BHLHE40: variants seen among roughly 807,000 people sequenced by gnomAD.
BHLHE40 encodes class E basic helix-loop-helix protein 40.
In BHLHE40, 3 loss-of-function variants were observed where a neutral mutation model predicts 35.7. The ratio of observed to expected loss-of-function variants is 0.08; its 90% CI spans 0.04 to 0.22. BHLHE40 has a LOEUF of 0.22. Among genes scored for constraint, BHLHE40 ranks in the 10% least tolerant of loss-of-function variants. The pLI is 1.00. For synonymous variants in BHLHE40, 236 were observed against 213.0 expected, an observed-to-expected ratio of 1.11 and a Z score of -0.94; for missense variants, 486 against 524.0, an observed-to-expected ratio of 0.93 and a Z score of 0.71.
In BHLHE40 at chr3:4,984,567, C is replaced by T. The variant is rs2053231246; in HGVS notation, c.*875C>T. On this transcript the variant is annotated 3_prime_UTR_variant, in exon 5 of 5. Coordinates refer to ENST00000256495, the MANE Select transcript of BHLHE40 (RefSeq NM_003670.3). ...TGCACAAAGCTGAGTAAAAAGCTGCCCCCTTCAAACAGAACTAGACTCAGT... is the reference window on the plus strand; with the variant it reads ...TGCACAAAGCTGAGTAAAAAGCTGCTCCCTTCAAACAGAACTAGACTCAGT... 1 of 152,310 alleles carries T rather than the reference C, an allele frequency of 6.6e-6. No individual in the cohort carries two copies. The highest frequency in any genetic ancestry group is 6.5e-5 in the Admixed American group (1 of 15,276). 9.4% of individuals were successfully genotyped at this position (152,310 alleles called of 1,614,324 possible).
At position 4,983,448 on chromosome 3, in the gene BHLHE40, C is replaced by T. The variant is rs2053219298; in HGVS notation, c.995C>T (p.Ala332Val). 2 of 1,614,182 alleles carry T rather than the reference C, an allele frequency of 1.2e-6. No homozygotes were observed. Among genetic ancestry groups the T allele is most frequent in the Non-Finnish European group, 1.7e-6 (2 of 1,180,046 alleles). The change falls in exon 5 of 5, where the codon GCG (alanine) becomes GTG (valine). Residue 332 changes from alanine (A) to valine (V), a missense_variant. By Grantham distance (64) the Ala-to-Val change is moderately conservative (BLOSUM62 0). Transcript: ENST00000256495. The surrounding 1 kb of genome is among the most constrained non-coding windows in gnomAD (Gnocchi z 5.0). ...CCCTTCTACCTGATCCCACCTTCAG[C>T]GACTGCCTACCTGCCCATGCTGGAG... ...CLPFYLIPPS[A>V]TAYLPMLEKC...
At position 4,983,334 on chromosome 3, in the gene BHLHE40, T is replaced by G; in HGVS notation, c.881T>G (p.Leu294Arg). ...CCCACAAAAAAGAACCGGATGCAGC[T>G]TTCGGATGATGAAGGCCATTTCACT... ...EPPTKKNRMQ[L>R]SDDEGHFTSS... The change falls in exon 5 of 5, where the codon CTT (leucine) becomes CGT (arginine). Residue 294 changes from leucine to arginine, a missense_variant. Leu to Arg is a moderately radical substitution (Grantham distance 102, BLOSUM62 -2). Transcript: ENST00000256495. The surrounding 1 kb of genome is among the most constrained non-coding windows in gnomAD (Gnocchi z 5.0). 6.2e-7 allele frequency: 1 copy of G among 1,614,192 alleles called. No individual in the cohort carries two copies. The highest frequency in any genetic ancestry group is 8.5e-7 in the Non-Finnish European group (1 of 1,180,018).
At chr3:4,982,505 G>A (rs1450814969) in intron 4 of BHLHE40, among the ~76,000 whole-genome samples, 2 of 151,974 alleles carry the variant, frequency 1.3e-5, no homozygotes, top group East Asian at 1.9e-4. Flanking sequence ...TTGCTGCCTC[G>A]CTTACATGGA....
chr3:4,981,678 T>G, intron 4 of BHLHE40, 163 bp downstream of exon 4: 4 of 875,614 alleles, frequency 4.6e-6, no homozygotes, highest in Non-Finnish European at 6.9e-6. Flanking sequence ...GACTTTTCAT[T>G]TGAAATGCAT....
Position 4,979,676 on chromosome 3 carries a change from C to A in BHLHE40, c.-43C>A. 6.5e-7 allele frequency: 1 copy of A among 1,546,754 alleles called. No individual in the cohort carries two copies. Among genetic ancestry groups the A allele is most frequent in the African/African-American group, 1.4e-5 (1 of 73,048 alleles). On this transcript the variant is annotated 5_prime_UTR_variant, in exon 1 of 5. Coordinates refer to ENST00000256495, the MANE Select transcript of BHLHE40 (RefSeq NM_003670.3). ...GGGCAGTCCTCATCCAGACGCTCCG[C>A]TAGTGCAGACAGGAGCGCGCAGTGG...
chr3:4,980,642 C>A (rs988163662), intron 3 of BHLHE40, among the ~76,000 whole-genome samples: 24 of 152,166 alleles, frequency 1.6e-4, no homozygotes, highest in African/African-American at 5.6e-4. Flanking sequence ...AACTGGCCTT[C>A]CTTTTCAGGA....
Position 4,984,617 on chromosome 3 carries a change from T to C in BHLHE40, c.*925T>C, listed in dbSNP as rs1280690386. On this transcript the variant is annotated 3_prime_UTR_variant, in exon 5 of 5. Transcript: ENST00000256495. ...TTTTCAATTCCATCCTAAAACTCCT[T>C]TTAACCAAGCTTAGCTTCTCAAAGG... is the stretch of plus-strand genomic sequence containing the variant. 6.6e-6 allele frequency: 1 copy of C among 152,648 alleles called. No individual in the cohort carries two copies. The highest frequency in any genetic ancestry group is 1.5e-5 in the Non-Finnish European group (1 of 68,068). The allele number at this position is 152,648 out of a possible 1,614,324, so 9.5% of individuals were successfully genotyped here. A position where few individuals can be genotyped will look rare whatever the true frequency, so the allele number is the denominator to read the frequency against.
chr3:4,981,401 C>A lies in BHLHE40; in HGVS notation c.268C>A (p.His90Asn). 6.2e-7 allele frequency: 1 copy of A among 1,613,638 alleles called. No homozygotes were observed. The highest frequency in any genetic ancestry group is 1.1e-5 in the South Asian group (1 of 91,046). The change falls in exon 4 of 5, where the codon CAC (histidine) becomes AAC (asparagine). Residue 90 changes from histidine (H) to asparagine (N), a missense_variant. His to Asn is a moderately conservative substitution (Grantham distance 68, BLOSUM62 1). Coordinates refer to ENST00000256495, the MANE Select transcript of BHLHE40 (RefSeq NM_003670.3). ...PEHLKLTTLG[H>N]LEKAVVLELT... ...GCTCTTTTCCTTCCAGACTTTGGGT[C>A]ACTTGGAAAAAGCAGTGGTTCTTGA...
chr3:4,981,124 C>T (rs1437466039), intron 3 of BHLHE40, among the ~76,000 whole-genome samples: 1 of 150,368 alleles, frequency 6.7e-6, no homozygotes, highest in African/African-American at 2.4e-5. Context: ...AAAATGCCTC[C>T]AAAGACAGGT....
rs759894801 is a variant in BHLHE40 at position 4,981,554 on chromosome 3, G to C, written c.382+39G>C. The stretch of plus-strand genomic sequence containing the variant: ...CTGGCTATGCTCTCTTTAAGAGTTT[G>C]AGTGCAAATAGAGAGCCCGTGGGCT... On this transcript the variant is annotated intron_variant, in intron 4 of 4. Transcript: ENST00000256495. 2.5e-6 allele frequency: 4 copies of C among 1,607,686 alleles called. No individual in the cohort carries two copies. The South Asian group carries it at 4.4e-5, about 18-fold the overall frequency.
rs2106498390 is a variant in BHLHE40 at position 4,983,409 on chromosome 3, C to T, written c.956C>T (p.Pro319Leu). 1 of 1,614,226 alleles carries T rather than the reference C, an allele frequency of 6.2e-7. No individual in the cohort carries two copies. Among genetic ancestry groups the T allele is most frequent in the South Asian group, 1.1e-5 (1 of 91,086 alleles). The change falls in exon 5 of 5, where the codon CCT becomes CTT. Residue 319 changes from proline to leucine, a missense_variant. Pro to Leu is a moderately conservative substitution (Grantham distance 98). Transcript: ENST00000256495. This position sits in a 1 kb window ranked among gnomAD's most constrained non-coding sequence, Gnocchi z 5.0. ...SPFLGPHPHQ[P>L]PFCLPFYLIP... ...TTCCTGGGCCCACACCCACACCAGC[C>T]TCCTTTCTGCCTGCCCTTCTACCTG...
chr3:4,981,185 TAC>T (rs10549138), intron 3 of BHLHE40, among the ~76,000 whole-genome samples: 23,638 of 143,400 alleles, frequency 0.16, 2,341 homozygotes, highest in African/African-American at 0.27. Flanking sequence ...TATATATATA[TAC>T]ACACACACAC....
In BHLHE40 at chr3:4,983,276, A is replaced by T; in HGVS notation, c.823A>T (p.Ile275Phe). 1.2e-6 allele frequency: 2 copies of T among 1,614,212 alleles called. No homozygotes were observed. Among genetic ancestry groups the T allele is most frequent in the South Asian group, 1.1e-5 (1 of 91,086 alleles). Residue 275 changes from isoleucine to phenylalanine, a missense_variant, in exon 5 of 5, where the codon ATC becomes TTC. By Grantham distance (21) the Ile-to-Phe change is conservative. Transcript: ENST00000256495. The surrounding 1 kb of genome is among the most constrained non-coding windows in gnomAD (Gnocchi z 5.0). ...HGRRFTMGER[I>F]GAIKQESEEP... is the part of the protein sequence containing the mutation. ...ACGCAGGTTCACGATGGGAGAAAGG[A>T]TCGGCGCAATTAAGCAAGAGTCCGA...
At chr3:4,980,461 C>A in intron 3 of BHLHE40, 53 bp downstream of exon 3, 2 of 1,466,920 alleles carry the variant, frequency 1.4e-6, no homozygotes, top group Non-Finnish European at 1.9e-6. Context: ...AGAGGGCGGG[C>A]GGGTCACTCG....
chr3:4,983,382 CGTT>C lies in BHLHE40; in HGVS notation c.930_932del (p.Phe311del), dbSNP rs1559237452. 6.2e-7 allele frequency: 1 copy of C among 1,614,166 alleles called. No individual in the cohort carries two copies. The highest frequency in any genetic ancestry group is 2.2e-5 in the East Asian group (1 of 44,880). ...ACTAGCAGTGACCTGATCAGCTCCC[CGTT>C]CCTGGGCCCACACCCACACCAGCCT... On this transcript the variant is annotated inframe_deletion, in exon 5 of 5. Coordinates refer to ENST00000256495, the MANE Select transcript of BHLHE40 (RefSeq NM_003670.3). The surrounding 1 kb of genome is among the most constrained non-coding windows in gnomAD (Gnocchi z 5.0).
chr3:4,983,852 G>GTGTGTGTGTGTA lies in BHLHE40; in HGVS notation c.*163_*164insGTGTGTGTATGT. Reference sequence around the variant, plus strand: ...AGGGTGTGTGTGTGTGTGTGTGTGTGTGTATGTGCGTGTGCGTGCACATGT... The same window carrying GTGTGTGTGTGTA: ...AGGGTGTGTGTGTGTGTGTGTGTGTGTGTGTGTGTGTATGTATGTGCGTGTGCGTGCACATGT... On this transcript the variant is annotated 3_prime_UTR_variant, in exon 5 of 5. Coordinates refer to ENST00000256495, the MANE Select transcript of BHLHE40 (RefSeq NM_003670.3). This position sits in a 1 kb window ranked among gnomAD's most constrained non-coding sequence, Gnocchi z 5.0. 4.2e-6 allele frequency: 4 copies of GTGTGTGTGTGTA among 951,760 alleles called. No homozygotes were observed. The highest frequency in any genetic ancestry group is 6.1e-6 in the Non-Finnish European group (4 of 655,352). 59.0% of individuals were successfully genotyped at this position (951,760 alleles called of 1,614,324 possible). A position where few individuals can be genotyped will look rare whatever the true frequency, so the allele number is the denominator to read the frequency against.
rs145180073 is a variant in BHLHE40 at position 4,983,312 on chromosome 3, A to C, written c.859A>C (p.Thr287Pro). ...AIKQESEEPPTKKNRMQLSDD... is the reference protein window; with the variant it reads ...AIKQESEEPPPKKNRMQLSDD... ...TAAGCAAGAGTCCGAAGAACCCCCC[A>C]CAAAAAAGAACCGGATGCAGCTTTC... The change falls in exon 5 of 5, where the codon ACA (threonine) becomes CCA (proline). Residue 287 changes from threonine (T) to proline (P), a missense_variant. Transcript: ENST00000256495. This position sits in a 1 kb window ranked among gnomAD's most constrained non-coding sequence, Gnocchi z 5.0. 1 of 1,614,208 alleles carries C rather than the reference A, an allele frequency of 6.2e-7. No homozygotes were observed. Among genetic ancestry groups the C allele is most frequent in the South Asian group, 1.1e-5 (1 of 91,088 alleles).
intron 2 of BHLHE40, 43 bp downstream of exon 2, chr3:4,980,074 C>A (rs1275752440): frequency 2.3e-5 from 37 of 1,601,462 alleles, no homozygotes; most frequent in Non-Finnish European, 3.1e-5. Flanking sequence ...CAGCCCCTCG[C>A]GCGCGCTGAG....
intron 3 of BHLHE40, 108 bp from the exon 4 acceptor site, chr3:4,981,284 A>C: frequency 7.2e-7 from 1 of 1,390,028 alleles, no homozygotes; most frequent in Non-Finnish European, 9.7e-7. Context: ...CCAACCAGGA[A>C]ACACTATTCC....
Sources: gnomAD v4.1 joint callset for allele counts (sites outside exome capture counted in the v4.1 genomes callset) on GRCh38, gnomAD v4.1.1 for gene constraint, Gnocchi (gnomAD v3.1) non-coding constraint, MANE v1.5 for transcripts, NCBI Gene and HGNC (gene_info 2026-07-23, HGNC 2026-07-21) for gene names.